Variants in NKAIN3 observed in about 807,000 individuals in gnomAD.
NKAIN3 encodes sodium/potassium-transporting ATPase subunit beta-1-interacting protein 3.
Under a neutral mutation model 30.2 loss-of-function variants are expected in NKAIN3, and 25 were observed. The ratio of observed to expected loss-of-function variants is 0.83; its 90% CI spans 0.60 to 1.16. The LOEUF (loss-of-function observed/expected upper bound fraction) is 1.16. Ranked by LOEUF, NKAIN3 falls within the 50% of genes most tolerant of loss-of-function variation. The probability of loss-of-function intolerance (pLI) is 0.00; values close to 1 mark genes in which losing one functional copy is unlikely to be tolerated. For synonymous variants in NKAIN3, 91 were observed against 89.6 expected (o/e 1.02, Z -0.09); for missense variants, 225 against 254.1 (o/e 0.89, Z 0.78).
At chr8:62,416,091 G>C (rs559175251) in intron 1 of NKAIN3, among the ~76,000 whole-genome samples, 25 of 152,126 alleles carry the variant, frequency 1.6e-4, no homozygotes, top group African/African-American at 5.8e-4. Flanking sequence ...TGAATAATGA[G>C]TCCCCTTTTT....
At chr8:62,506,476 C>CTTTCTTTCTTTTTTTTTTTTTTTT (rs71559373) in intron 1 of NKAIN3, among the ~76,000 whole-genome samples, 41 of 98,442 alleles carry the variant, frequency 4.2e-4, no homozygotes, top group Non-Finnish European at 5.3e-4. Context: ...TTCTTTCTTT[C>CTTTCTTTCTTTTTTTTTTTTTTTT]TTTTTTTTTT....
At chr8:62,575,682 A>C (rs1477233850) in intron 1 of NKAIN3, among the ~76,000 whole-genome samples, 1 of 152,064 alleles carries the variant, frequency 6.6e-6, no homozygotes, top group African/African-American at 2.4e-5. Context: ...AAATAACAAA[A>C]TTGGAGGAAT....
At chr8:62,797,535 C>G (rs1256788569) in intron 4 of NKAIN3, among the ~76,000 whole-genome samples, 3 of 152,308 alleles carry the variant, frequency 2.0e-5, no homozygotes, top group African/African-American at 7.2e-5. Flanking sequence ...AGTGACCTCC[C>G]TCAGCTCGCA....
chr8:62,411,823 G>T (rs1804247218), intron 1 of NKAIN3, among the ~76,000 whole-genome samples: 1 of 152,056 alleles, frequency 6.6e-6, no homozygotes, highest in Non-Finnish European at 1.5e-5. Context: ...CAAAGAAAAT[G>T]AAATACCTAA....
chr8:62,414,622 T>C (rs981860363), intron 1 of NKAIN3, among the ~76,000 whole-genome samples: 2 of 152,164 alleles, frequency 1.3e-5, no homozygotes, highest in African/African-American at 4.8e-5. Context: ...TAAATATGTC[T>C]TCAACTGGTC....
intron 1 of NKAIN3, among the ~76,000 whole-genome samples, chr8:62,273,280 G>C (rs1812831085): frequency 6.6e-6 from 1 of 152,042 alleles, no homozygotes; most frequent in Admixed American, 6.6e-5. Context: ...CTAATTGTGG[G>C]AGTTCTGTTA....
intron 1 of NKAIN3, among the ~76,000 whole-genome samples, chr8:62,324,091 C>G (rs1367857861): frequency 1.3e-5 from 2 of 151,812 alleles, no homozygotes; most frequent in Non-Finnish European, 2.9e-5. Context: ...AGAATGAACC[C>G]TAATATAAAC....
At chr8:62,753,081 G>A (rs538861665) in intron 4 of NKAIN3, among the ~76,000 whole-genome samples, 118 of 152,032 alleles carry the variant, frequency 7.8e-4, no homozygotes, top group African/African-American at 2.7e-3. Flanking sequence ...TTCCAGTGGG[G>A]GGATTTCAAA....
At chr8:62,289,422 A>G (rs1291252512) in intron 1 of NKAIN3, among the ~76,000 whole-genome samples, 16 of 152,180 alleles carry the variant, frequency 1.1e-4, no homozygotes, top group African/African-American at 3.1e-4. Flanking sequence ...TTGTTGTATA[A>G]GATATAAGGA....
At chr8:62,591,347 T>C (rs1240753853) in intron 3 of NKAIN3, among the ~76,000 whole-genome samples, 3 of 151,886 alleles carry the variant, frequency 2.0e-5, no homozygotes, top group Non-Finnish European at 4.4e-5. Flanking sequence ...ATCCTTTGGC[T>C]CCATGGAGTC....
At position 62,965,599 on chromosome 8, in the gene NKAIN3, T is replaced by C; in HGVS notation, c.*192T>C. On this transcript the variant is annotated 3_prime_UTR_variant, in exon 7 of 7. Coordinates refer to ENST00000623646, the MANE Select transcript of NKAIN3 (RefSeq NM_001304533.3). ...GGTATTTTTTTAGTCGTTTTCTTCT[T>C]ATATGAACACTTGTAAGTTGTAAAA... 1.0e-6 allele frequency: 1 copy of C among 965,706 alleles called. No individual in the cohort carries two copies. The highest frequency in any genetic ancestry group is 1.2e-6 in the Non-Finnish European group (1 of 816,504). The allele number at this position is 965,706 out of a possible 1,614,324, so 59.8% of individuals were successfully genotyped here. A position where few individuals can be genotyped will look rare whatever the true frequency, so the allele number is the denominator to read the frequency against.
chr8:62,768,373 G>A (rs899584163), intron 4 of NKAIN3, among the ~76,000 whole-genome samples: 3 of 152,138 alleles, frequency 2.0e-5, no homozygotes, highest in Non-Finnish European at 4.4e-5. Flanking sequence ...TATTTGCATT[G>A]ACAACAGTTG....
intron 1 of NKAIN3, among the ~76,000 whole-genome samples, chr8:62,532,040 A>C (rs1808505541): frequency 6.6e-6 from 1 of 152,202 alleles, no homozygotes; most frequent in Admixed American, 6.5e-5. Context: ...CTTTGGAAGC[A>C]CCCAACAGAT....
At chr8:62,620,147 C>G (rs543121417) in intron 3 of NKAIN3, among the ~76,000 whole-genome samples, 1 of 152,188 alleles carries the variant, frequency 6.6e-6, no homozygotes, top group South Asian at 2.1e-4. Context: ...TGATAGGACA[C>G]AGGGGTATGC....
At chr8:62,555,436 T>C (rs937920778) in intron 1 of NKAIN3, among the ~76,000 whole-genome samples, 3 of 152,072 alleles carry the variant, frequency 2.0e-5, no homozygotes, top group Non-Finnish European at 4.4e-5. Flanking sequence ...ATATAGTATT[T>C]TTTAAAGAAA....
chr8:62,503,589 C>T (rs566848093), intron 1 of NKAIN3, among the ~76,000 whole-genome samples: 21 of 152,092 alleles, frequency 1.4e-4, no homozygotes, highest in African/African-American at 3.4e-4. Context: ...TTATCTCAAC[C>T]GCATAGGACA....
At chr8:62,666,019 G>A (rs1267558930) in intron 3 of NKAIN3, among the ~76,000 whole-genome samples, 1 of 152,094 alleles carries the variant, frequency 6.6e-6, no homozygotes, top group South Asian at 2.1e-4. Flanking sequence ...TTCAAGATTA[G>A]CCTGGCCAAG....
intron 4 of NKAIN3, chr8:62,855,601 C>G: frequency 7.5e-6 from 12 of 1,600,610 alleles, no homozygotes; most frequent in Non-Finnish European, 1.0e-5. Context: ...ATGTCAGGTC[C>G]ACTGCTTGTT....
At chr8:62,560,542 T>C (rs1208977045) in intron 1 of NKAIN3, among the ~76,000 whole-genome samples, 38 of 132,194 alleles carry the variant, frequency 2.9e-4, no homozygotes, top group African/African-American at 9.1e-4. Context: ...TTTTTTTTTT[T>C]TTTTTTTTTT....
Sources: gnomAD v4.1 joint callset for allele counts (sites outside exome capture counted in the v4.1 genomes callset) on GRCh38, gnomAD v4.1.1 for gene constraint, MANE v1.5 for transcripts, NCBI Gene and HGNC (gene_info 2026-07-23, HGNC 2026-07-21) for gene names.